Variants in RAPGEF5 observed in about 807,000 individuals in gnomAD.
The protein encoded by RAPGEF5 is Rap guanine nucleotide exchange factor 5, also known as M-Ras-regulated GEF.
RAPGEF5 carries 65 observed loss-of-function variants against 125.2 expected under a neutral mutation model. The observed-to-expected ratio is 0.52, with a 90% CI of 0.43 to 0.64. RAPGEF5 has a LOEUF of 0.64. Among genes scored for constraint, RAPGEF5 ranks in the 30% least tolerant of loss-of-function variants. The probability of loss-of-function intolerance (pLI) is 0.00; values close to 1 mark genes in which losing one functional copy is unlikely to be tolerated. For synonymous variants in RAPGEF5, 391 were observed against 385.9 expected, an observed-to-expected ratio of 1.01 and a Z score of -0.16; for missense variants, 958 against 1,048.1, an observed-to-expected ratio of 0.91 and a Z score of 1.19.
intron 20 of RAPGEF5, 146 bp downstream of exon 20, chr7:22,144,898 A>G: frequency 2.2e-6 from 2 of 913,696 alleles, no homozygotes; most frequent in Non-Finnish European, 3.2e-6. Context: ...AATATTCAAA[A>G]TTGGACATTT....
rs919829312 is a variant in RAPGEF5, at chr7:22,356,990, G to A, written c.71C>T (p.Ala24Val). The change falls in exon 1 of 26, where the codon GCG becomes GTG. Residue 24 changes from alanine (A) to valine (V), a missense_variant. Ala to Val is a moderately conservative substitution (Grantham distance 64). Coordinates refer to ENST00000665637, the MANE Select transcript of RAPGEF5 (RefSeq NM_012294.5). Reference sequence around the variant, plus strand: ...CAGGGGGCCGTCTGCCGCCACCACCGCCGCCGCGGCGGCCAGGGCCGGGCT... The same window carrying A: ...CAGGGGGCCGTCTGCCGCCACCACCACCGCCGCGGCGGCCAGGGCCGGGCT... ...CESPALAAAA[A>V]VVAADGPLRR... 2.7e-5 allele frequency: 28 copies of A among 1,024,212 alleles called. No homozygotes were observed. The highest frequency in any genetic ancestry group is 5.8e-5 in the Admixed American group (1 of 17,254). 63.4% of individuals were successfully genotyped at this position (1,024,212 alleles called of 1,614,324 possible).
rs1312553051 is a variant in RAPGEF5, at chr7:22,118,869, C to CT, written c.*3536dup. The stretch of plus-strand genomic sequence containing the variant: ...TATACAGTAATACATTTGCATCTAA[C>CT]TTTTTGGCAATTTTTAAAAACTTCC... On this transcript the variant is annotated 3_prime_UTR_variant, in exon 26 of 26. Coordinates refer to ENST00000665637, the MANE Select transcript of RAPGEF5 (RefSeq NM_012294.5). 2.0e-5 allele frequency: 3 copies of CT among 152,440 alleles called. No homozygotes were observed. The highest frequency in any genetic ancestry group is 1.9e-4 in the East Asian group (1 of 5,188). 9.4% of individuals were successfully genotyped at this position (152,440 alleles called of 1,614,324 possible).
intron 1 of RAPGEF5, among the ~76,000 whole-genome samples, chr7:22,354,549 T>C (rs1413774770): frequency 6.6e-6 from 1 of 152,212 alleles, no homozygotes; most frequent in African/African-American, 2.4e-5. Context: ...TGTTTTGGAC[T>C]GTTAAGTGTA....
intron 12 of RAPGEF5, among the ~76,000 whole-genome samples, chr7:22,164,827 C>T (rs893623505): frequency 6.6e-6 from 1 of 152,138 alleles, no homozygotes; most frequent in Non-Finnish European, 1.5e-5. Context: ...ATTTAATGCT[C>T]TTTATGATGC....
intron 24 of RAPGEF5, among the ~76,000 whole-genome samples, chr7:22,126,583 CA>C (rs1367717062): frequency 6.6e-6 from 1 of 152,198 alleles, no homozygotes; most frequent in African/African-American, 2.4e-5. Flanking sequence ...GAGATACTGA[CA>C]AAAGATGAAC....
intron 7 of RAPGEF5, among the ~76,000 whole-genome samples, chr7:22,247,815 C>T (rs1786517313): frequency 6.6e-6 from 1 of 152,014 alleles, no homozygotes; most frequent in Non-Finnish European, 1.5e-5. Context: ...GAAATAATGT[C>T]CTTTGTAGCA....
intron 21 of RAPGEF5, 191 bp downstream of exon 21, chr7:22,139,834 C>T: frequency 2.0e-6 from 1 of 508,038 alleles, no homozygotes; most frequent in East Asian, 3.5e-5. Context: ...AGCTGGGGAG[C>T]ACGTTACCAT....
intron 11 of RAPGEF5, among the ~76,000 whole-genome samples, chr7:22,168,989 T>C (rs1205491599): frequency 6.6e-6 from 1 of 152,232 alleles, no homozygotes; most frequent in East Asian, 1.9e-4. Context: ...AAAACATGTT[T>C]TTAAAAGTCT....
intron 8 of RAPGEF5, among the ~76,000 whole-genome samples, chr7:22,221,219 TAAAGTTTC>T (rs1391669809): frequency 1.3e-5 from 2 of 152,226 alleles, no homozygotes; most frequent in African/African-American, 4.8e-5. Flanking sequence ...AGTTCCTTTC[TAAAGTTTC>T]CTTGGACAGG....
intron 2 of RAPGEF5, 101 bp downstream of exon 2, chr7:22,317,886 T>C: frequency 5.4e-6 from 8 of 1,475,234 alleles, no homozygotes; most frequent in South Asian, 5.2e-5. Flanking sequence ...CAAAACTCTA[T>C]GTGGTCAGGA....
intron 9 of RAPGEF5, 42 bp downstream of exon 9, chr7:22,219,824 C>T (rs1583491866): frequency 6.5e-7 from 1 of 1,531,142 alleles, no homozygotes. Flanking sequence ...AAAACATTTT[C>T]CACCCCTTCA....
intron 11 of RAPGEF5, among the ~76,000 whole-genome samples, chr7:22,172,494 T>G (rs2128117856): frequency 6.6e-6 from 1 of 152,284 alleles, no homozygotes; most frequent in Middle Eastern, 3.4e-3. Context: ...GTATTTCTCT[T>G]GTATGTACCA....
chr7:22,173,108 G>A (rs1022616702), intron 11 of RAPGEF5, among the ~76,000 whole-genome samples: 1 of 152,140 alleles, frequency 6.6e-6, no homozygotes, highest in Non-Finnish European at 1.5e-5. Context: ...ATTTTAAGAA[G>A]CCAAGAAAAG....
chr7:22,325,921 C>T (rs955375216), intron 1 of RAPGEF5, among the ~76,000 whole-genome samples: 1 of 152,130 alleles, frequency 6.6e-6, no homozygotes, highest in African/African-American at 2.4e-5. Flanking sequence ...ACTTGAATAC[C>T]AATTATTCCT....
At chr7:22,246,803 G>A (rs915758265) in intron 7 of RAPGEF5, among the ~76,000 whole-genome samples, 2 of 152,078 alleles carry the variant, frequency 1.3e-5, no homozygotes, top group Non-Finnish European at 2.9e-5. Context: ...ACTACAACAT[G>A]GGGGAAAATA....
At chr7:22,158,745 C>T (rs996029408) in intron 14 of RAPGEF5, among the ~76,000 whole-genome samples, 27 of 152,048 alleles carry the variant, frequency 1.8e-4, no homozygotes, top group Non-Finnish European at 4.0e-4. Context: ...CCTGCCTCAG[C>T]CTCCCAAGTA....
At chr7:22,207,573 G>A (rs1785425179) in intron 9 of RAPGEF5, among the ~76,000 whole-genome samples, 1 of 152,114 alleles carries the variant, frequency 6.6e-6, no homozygotes, top group Non-Finnish European at 1.5e-5. Flanking sequence ...TTTTACAGTA[G>A]TAGAACAACT....
intron 1 of RAPGEF5, among the ~76,000 whole-genome samples, chr7:22,327,687 T>G (rs1405340384): frequency 1.3e-5 from 2 of 152,258 alleles, no homozygotes; most frequent in African/African-American, 4.8e-5. Flanking sequence ...TTTGTCCCTC[T>G]GTTTCTACCT....
chr7:22,194,248 G>C (rs754858128), intron 9 of RAPGEF5, among the ~76,000 whole-genome samples: 2 of 152,206 alleles, frequency 1.3e-5, no homozygotes, highest in African/African-American at 4.8e-5. Flanking sequence ...TAAAACATTA[G>C]ACAGACATAA....
Sources: allele counts gnomAD v4.1 joint callset (sites outside exome capture counted in the v4.1 genomes callset), GRCh38; gene constraint gnomAD v4.1.1; transcripts MANE v1.5; gene names NCBI Gene and HGNC (gene_info 2026-07-23, HGNC 2026-07-21).